Variants in ADK observed in about 807,000 individuals in gnomAD.
The protein encoded by ADK is N6,N6-dimethyladenosine kinase.
In ADK, 24 loss-of-function variants were observed where a neutral mutation model predicts 44.7. That is an observed-to-expected ratio of 0.54 (90% CI 0.39 to 0.76). The LOEUF (loss-of-function observed/expected upper bound fraction) is 0.76, where lower values mean the gene tolerates loss of function less well. Among genes scored for constraint, ADK ranks in the 30% least tolerant of loss-of-function variants. The pLI is 0.00. For missense variants in ADK, 321 were observed against 425.1 expected (o/e 0.76, Z 2.15); for synonymous variants, 128 against 142.6 (o/e 0.90, Z 0.73).
chr10:74,474,552 C>T (rs1409838411), intron 6 of ADK, among the ~76,000 whole-genome samples: 1 of 149,312 alleles, frequency 6.7e-6, no homozygotes, highest in Non-Finnish European at 1.5e-5. Flanking sequence ...TCTCTCCTTT[C>T]TCCCTCCCCT....
chr10:74,218,865 G>A (rs1344253798), intron 2 of ADK, among the ~76,000 whole-genome samples: 1 of 152,128 alleles, frequency 6.6e-6, no homozygotes, highest in East Asian at 1.9e-4. Context: ...GCTCCTGAAG[G>A]AAGCACTAAA....
intron 1 of ADK, among the ~76,000 whole-genome samples, chr10:74,151,726 A>G (rs1309767835): frequency 6.6e-6 from 1 of 152,200 alleles, no homozygotes; most frequent in African/African-American, 2.4e-5. Context: ...AGGCTCGGCA[A>G]CTGCTGTACA....
chr10:74,259,007 A>G (rs1392211774), intron 3 of ADK, among the ~76,000 whole-genome samples: 2 of 133,948 alleles, frequency 1.5e-5, no homozygotes, highest in South Asian at 4.6e-4. Context: ...GCTGGAGTGC[A>G]GTGGCATGAT....
intron 6 of ADK, among the ~76,000 whole-genome samples, chr10:74,516,282 G>A (rs1189875934): frequency 6.6e-6 from 1 of 152,114 alleles, no homozygotes; most frequent in African/African-American, 2.4e-5. Flanking sequence ...ATCTGATCTA[G>A]GTGGGGAAGA....
At chr10:74,322,852 C>T (rs967232473) in intron 4 of ADK, among the ~76,000 whole-genome samples, 2 of 151,756 alleles carry the variant, frequency 1.3e-5, no homozygotes, top group Non-Finnish European at 2.9e-5. Context: ...CCCTCTTCTT[C>T]CTTTCTTCCT....
intron 7 of ADK, among the ~76,000 whole-genome samples, chr10:74,555,611 GA>G (rs146068579): frequency 0.047 from 5,427 of 115,258 alleles, 258 homozygotes; most frequent in African/African-American, 0.14. Flanking sequence ...ACCTTGTCTC[GA>G]AAAAAAAAAA....
At chr10:74,491,313 GC>G (rs1245729932) in intron 6 of ADK, among the ~76,000 whole-genome samples, 1 of 152,090 alleles carries the variant, frequency 6.6e-6, no homozygotes, top group Non-Finnish European at 1.5e-5. Flanking sequence ...TCACTAGGTT[GC>G]CCAAGCTGGA....
At chr10:74,522,416 G>T (rs1193444886) in intron 6 of ADK, among the ~76,000 whole-genome samples, 1 of 152,102 alleles carries the variant, frequency 6.6e-6, no homozygotes, top group African/African-American at 2.4e-5. Context: ...TTGCTTCTGC[G>T]GGTTTTCTCA....
At chr10:74,578,855 T>G (rs967453845) in intron 7 of ADK, among the ~76,000 whole-genome samples, 7 of 152,146 alleles carry the variant, frequency 4.6e-5, no homozygotes, top group Non-Finnish European at 1.0e-4. Context: ...AGTAGAATGT[T>G]TATGGTTTAA....
chr10:74,267,513 T>C (rs1846252600), intron 3 of ADK, among the ~76,000 whole-genome samples: 1 of 152,186 alleles, frequency 6.6e-6, no homozygotes, highest in African/African-American at 2.4e-5. Context: ...ATTATTTGAT[T>C]TCTGGAGATG....
At chr10:74,344,323 G>C (rs1841686686) in intron 4 of ADK, among the ~76,000 whole-genome samples, 1 of 152,094 alleles carries the variant, frequency 6.6e-6, no homozygotes, top group African/African-American at 2.4e-5. Context: ...TGAATCTTAA[G>C]GCCTCAACAA....
intron 3 of ADK, among the ~76,000 whole-genome samples, chr10:74,234,148 T>G (rs979244282): frequency 6.6e-6 from 1 of 152,234 alleles, no homozygotes; most frequent in African/African-American, 2.4e-5. Context: ...GGGAATGATA[T>G]AGACTTGGGG....
chr10:74,402,566 G>T (rs4303177), intron 6 of ADK, among the ~76,000 whole-genome samples: 97,425 of 151,840 alleles, frequency 0.64, 32,664 homozygotes, highest in Middle Eastern at 0.8. Flanking sequence ...GTGTCACGTA[G>T]TTCTCGTGCC....
intron 4 of ADK, among the ~76,000 whole-genome samples, chr10:74,361,489 G>GA (rs1195808872): frequency 1.3e-5 from 2 of 151,470 alleles, no homozygotes; most frequent in East Asian, 1.9e-4. Context: ...ACTTTGATTG[G>GA]AAAAAAAACA....
At chr10:74,669,395 C>T (rs1855089821) in intron 9 of ADK, among the ~76,000 whole-genome samples, 2 of 152,272 alleles carry the variant, frequency 1.3e-5, no homozygotes, top group Non-Finnish European at 1.5e-5. Context: ...ATCTTGTAAG[C>T]CAGATTTCAT....
At chr10:74,496,914 T>C (rs547922369) in intron 6 of ADK, among the ~76,000 whole-genome samples, 20 of 152,234 alleles carry the variant, frequency 1.3e-4, no homozygotes, top group Non-Finnish European at 2.6e-4. Flanking sequence ...CATTTAAGCC[T>C]CATTTATTGC....
intron 6 of ADK, among the ~76,000 whole-genome samples, chr10:74,482,451 G>A (rs1847108149): frequency 6.6e-6 from 1 of 152,084 alleles, no homozygotes; most frequent in South Asian, 2.1e-4. Flanking sequence ...GCTTGGGTGG[G>A]GACACAGAAC....
At chr10:74,587,931 G>A (rs907693262) in intron 7 of ADK, among the ~76,000 whole-genome samples, 1 of 151,956 alleles carries the variant, frequency 6.6e-6, no homozygotes, top group African/African-American at 2.4e-5. Flanking sequence ...ATTAGATTGT[G>A]TCCTTAAGAT....
chr10:74,541,952 T>C (rs1205506324), intron 7 of ADK, among the ~76,000 whole-genome samples: 1 of 152,112 alleles, frequency 6.6e-6, no homozygotes, highest in Non-Finnish European at 1.5e-5. Context: ...TCAAAGTTAC[T>C]ATTTCTGGCC....
Sources: gnomAD v4.1 joint callset for allele counts (sites outside exome capture counted in the v4.1 genomes callset) on GRCh38, gnomAD v4.1.1 for gene constraint, MANE v1.5 for transcripts, NCBI Gene and HGNC (gene_info 2026-07-23, HGNC 2026-07-21) for gene names.